Variants in ANPEP observed in about 807,000 individuals in gnomAD.
ANPEP encodes aminopeptidase N.
In ANPEP, 70 loss-of-function variants were observed where a neutral mutation model predicts 114.6. The ratio of observed to expected loss-of-function variants is 0.61; its 90% CI spans 0.50 to 0.75. The LOEUF is 0.75. Among genes scored for constraint, ANPEP ranks in the 30% least tolerant of loss-of-function variants. ANPEP has a pLI of 0.00. For synonymous variants in ANPEP, 548 were observed against 522.3 expected, an observed-to-expected ratio of 1.05 and a Z score of -0.67; for missense variants, 1,184 against 1,259.5, an observed-to-expected ratio of 0.94 and a Z score of 0.91.
rs775937784 is a variant in ANPEP, at chr15:89,801,469, G to A, written c.1708C>T (p.Pro570Ser). Residue 570 changes from proline (P) to serine (S), a missense_variant, in exon 11 of 21, where the codon CCC (proline) becomes TCC (serine). Coordinates refer to ENST00000300060, the MANE Select transcript of ANPEP (RefSeq NM_001150.3). ...GAGGGGCGGGTAACATTGGAATCGG[G>A]GTCAAGGAGGAAGTGCTCCTGGGAA... ...TLSQEHFLLD[P>S]DSNVTRPSEF... 1.2e-6 allele frequency: 2 copies of A among 1,614,068 alleles called. No individual in the cohort carries two copies. Among genetic ancestry groups the A allele is most frequent in the Admixed American group, 1.7e-5 (1 of 60,012 alleles).
chr15:89,800,087 T>A (rs1353862190), intron 12 of ANPEP, among the ~76,000 whole-genome samples: 1 of 152,130 alleles, frequency 6.6e-6, no homozygotes, highest in Non-Finnish European at 1.5e-5. Context: ...ACCTGCCCCA[T>A]CCACTGTCTC....
At chr15:89,811,428 C>T (rs1433581134) in intron 1 of ANPEP, among the ~76,000 whole-genome samples, 2 of 151,994 alleles carry the variant, frequency 1.3e-5, no homozygotes, top group Non-Finnish European at 2.9e-5. Flanking sequence ...GGACGGATCA[C>T]GAGGTCAGCA....
Position 89,792,527 on chromosome 15 carries a change from G to T in ANPEP, c.2285C>A (p.Ser762Tyr), listed in dbSNP as rs1968651350. 3 of 1,614,056 alleles carry T rather than the reference G, an allele frequency of 1.9e-6. No individual in the cohort carries two copies. The highest frequency in any genetic ancestry group is 4.5e-5 in the East Asian group (2 of 44,888). ...CTCCTCACACTCTGGAACTCCGTTG[G>T]AGCAGGCGGTGCTGATGGCATTAAC... ...SEVNAISTACSNGVPECEEMV... is the reference protein window; with the variant it reads ...SEVNAISTACYNGVPECEEMV... Residue 762 changes from serine (S) to tyrosine (Y), a missense_variant, in exon 17 of 21, where the codon TCC becomes TAC. By Grantham distance (144) the Ser-to-Tyr change is moderately radical. Coordinates refer to ENST00000300060, the MANE Select transcript of ANPEP (RefSeq NM_001150.3).
At chr15:89,810,629 G>A (rs1894801140) in intron 1 of ANPEP, among the ~76,000 whole-genome samples, 1 of 152,014 alleles carries the variant, frequency 6.6e-6, no homozygotes, top group Non-Finnish European at 1.5e-5. Flanking sequence ...TCAAAAGCCT[G>A]CTGCTGCACC....
chr15:89,796,716 C>T (rs1045537126), intron 15 of ANPEP, among the ~76,000 whole-genome samples: 19 of 151,746 alleles, frequency 1.3e-4, no homozygotes, highest in African/African-American at 3.6e-4. Context: ...AGGATGGTCT[C>T]GATCTGCTGA....
In ANPEP at chr15:89,806,375, G is replaced by A. The variant is rs1015687921; in HGVS notation, c.209C>T (p.Ala70Val). The A allele has an allele frequency of 6.2e-6, 10 of 1,614,030 alleles. No homozygotes were observed. Among genetic ancestry groups the A allele is most frequent in the African/African-American group, 5.3e-5 (4 of 74,900 alleles). Reference protein sequence around the residue: ...ASATTLDQSKAWNRYRLPNTL... With the variant: ...ASATTLDQSKVWNRYRLPNTL... ...GTTGGGGAGGCGGTAACGATTCCAC[G>A]CTTTACTTTGGTCCAAGGTGGTGGC... Residue 70 changes from alanine (A) to valine (V), a missense_variant, in exon 2 of 21, where the codon GCG (alanine) becomes GTG (valine). Ala to Val is a moderately conservative substitution (Grantham distance 64, BLOSUM62 0). Transcript: ENST00000300060. The surrounding 1 kb of genome is among the most constrained non-coding windows in gnomAD (Gnocchi z 5.7).
chr15:89,785,092 G>C lies in ANPEP; in HGVS notation c.*257C>G. ...CTGGGCTTCCCTGAGATCAGCCCCA[G>C]GGCACTGGGCGACAGGTGCCATGCC... On this transcript the variant is annotated 3_prime_UTR_variant, in exon 21 of 21. Coordinates refer to ENST00000300060, the MANE Select transcript of ANPEP (RefSeq NM_001150.3). 1 of 465,524 alleles carries C rather than the reference G, an allele frequency of 2.1e-6. No individual in the cohort carries two copies. The highest frequency in any genetic ancestry group is 3.4e-5 in the Admixed American group (1 of 29,426). The allele number at this position is 465,524 out of a possible 1,614,324, so 28.8% of individuals were successfully genotyped here. A position where few individuals can be genotyped will look rare whatever the true frequency, so the allele number is the denominator to read the frequency against.
chr15:89,796,496 C>CT (rs1294354069), intron 15 of ANPEP, among the ~76,000 whole-genome samples: 12 of 142,828 alleles, frequency 8.4e-5, no homozygotes, highest in East Asian at 8.1e-4. Flanking sequence ...TTTTTTTTTT[C>CT]TTTTTTTTTG....
chr15:89,789,050 G>A (rs1968565681), intron 20 of ANPEP, among the ~76,000 whole-genome samples: 1 of 151,828 alleles, frequency 6.6e-6, no homozygotes, highest in Non-Finnish European at 1.5e-5. Context: ...CACAATCTTG[G>A]TTCACTGCAA....
chr15:89,794,897 AG>A (rs1968700046), intron 15 of ANPEP, among the ~76,000 whole-genome samples: 1 of 152,152 alleles, frequency 6.6e-6, no homozygotes, highest in African/African-American at 2.4e-5. Flanking sequence ...CTAATTTTTG[AG>A]GGTCCCCAGT....
At position 89,803,031 on chromosome 15, in the gene ANPEP, G is replaced by C. The variant is rs1256544099; in HGVS notation, c.1569+208C>G. Among the ~76,000 whole-genome samples, 1 of 152,108 alleles carries C rather than the reference G, an allele frequency of 6.6e-6. No homozygotes were observed. Among genetic ancestry groups the C allele is most frequent in the African/African-American group, 2.4e-5 (1 of 41,412 alleles). ...TAGCCTGAGGTCAGCTGCTGGCCAGGACCTCAACCACAGCCTCACTCAGAC... is the reference window on the plus strand; with the variant it reads ...TAGCCTGAGGTCAGCTGCTGGCCAGCACCTCAACCACAGCCTCACTCAGAC... On this transcript the variant is annotated intron_variant, in intron 10 of 20. Coordinates refer to ENST00000300060, the MANE Select transcript of ANPEP (RefSeq NM_001150.3). The surrounding 1 kb of genome is among the most constrained non-coding windows in gnomAD (Gnocchi z 4.2).
At position 89,806,973 on chromosome 15, in the gene ANPEP, T is replaced by G; in HGVS notation, c.-223-167A>C. The G allele has an allele frequency of 5.1e-6, 1 of 197,190 alleles. No homozygotes were observed. Among genetic ancestry groups the G allele is most frequent in the Non-Finnish European group, 1.1e-5 (1 of 94,556 alleles). 12.2% of individuals were successfully genotyped at this position (197,190 alleles called of 1,614,324 possible). On this transcript the variant is annotated intron_variant, in intron 1 of 20. Transcript: ENST00000300060. This position sits in a 1 kb window ranked among gnomAD's most constrained non-coding sequence, Gnocchi z 5.7. The stretch of plus-strand genomic sequence containing the variant: ...GAGAGGGTGGGAACAGCATCAGAAC[T>G]GAGGTTAGAGTCAGGGAAGGACTTC...
chr15:89,803,581 T>C lies in ANPEP; in HGVS notation c.1437+66A>G, dbSNP rs1715525686. On this transcript the variant is annotated intron_variant, in intron 8 of 20. Transcript: ENST00000300060. This position sits in a 1 kb window ranked among gnomAD's most constrained non-coding sequence, Gnocchi z 4.2. Reference sequence around the variant, plus strand: ...GACCCTGTGCCCCCAGACCCTGCCTTCAGTGAGGCCCCTCCAGGCCAAGTC... The same window carrying C: ...GACCCTGTGCCCCCAGACCCTGCCTCCAGTGAGGCCCCTCCAGGCCAAGTC... The C allele has an allele frequency of 1.8e-5, 29 of 1,601,368 alleles. No homozygotes were observed. Among genetic ancestry groups the C allele is most frequent in the Non-Finnish European group, 2.5e-5 (29 of 1,174,444 alleles).
chr15:89,807,216 C>T (rs901758485), intron 1 of ANPEP, among the ~76,000 whole-genome samples: 5 of 152,192 alleles, frequency 3.3e-5, no homozygotes, highest in Admixed American at 6.5e-5. Context: ...TATCAGCTCA[C>T]GGAATAAAAT....
In ANPEP at chr15:89,792,504, C is replaced by T; in HGVS notation, c.2308G>A (p.Glu770Lys). ...TGCTTGAAAAGGCCAGAGACCATCTCCTCACACTCTGGAACTCCGTTGGAG... is the reference window on the plus strand; with the variant it reads ...TGCTTGAAAAGGCCAGAGACCATCTTCTCACACTCTGGAACTCCGTTGGAG... ...ACSNGVPECEEMVSGLFKQWM... is the reference protein window; with the variant it reads ...ACSNGVPECEKMVSGLFKQWM... Residue 770 changes from glutamate (E) to lysine (K), a missense_variant, in exon 17 of 21, where the codon GAG (glutamate) becomes AAG (lysine). Coordinates refer to ENST00000300060, the MANE Select transcript of ANPEP (RefSeq NM_001150.3). 1.2e-6 allele frequency: 2 copies of T among 1,614,166 alleles called. No homozygotes were observed. Among genetic ancestry groups the T allele is most frequent in the Non-Finnish European group, 1.7e-6 (2 of 1,180,030 alleles).
At chr15:89,797,249 T>C (rs910988113) in intron 15 of ANPEP, among the ~76,000 whole-genome samples, 2 of 152,192 alleles carry the variant, frequency 1.3e-5, no homozygotes, top group Non-Finnish European at 2.9e-5. Flanking sequence ...TTCTGTGCCT[T>C]CTGAAAGCGT....
chr15:89,804,187 G>A (rs896745641), intron 6 of ANPEP, 66 bp downstream of exon 6: 1 of 1,601,058 alleles, frequency 6.2e-7, no homozygotes, highest in Non-Finnish European at 8.5e-7. Flanking sequence ...GGCAGAGCCT[G>A]GACTTGCGCC....
At chr15:89,797,814 CA>C (rs1968759546) in intron 14 of ANPEP, 92 bp from the exon 15 acceptor site, 2 of 1,538,344 alleles carry the variant, frequency 1.3e-6, no homozygotes, top group Non-Finnish European at 1.8e-6. Context: ...AGATGCTCCA[CA>C]CCCCTAGGCC....
intron 2 of ANPEP, 129 bp downstream of exon 2, chr15:89,805,841 A>G: frequency 1.5e-6 from 2 of 1,298,862 alleles, no homozygotes. Context: ...CTGGAGGTGA[A>G]GCAATGGGCC....
Sources: allele counts gnomAD v4.1 joint callset (sites outside exome capture counted in the v4.1 genomes callset), GRCh38; gene constraint gnomAD v4.1.1; non-coding constraint Gnocchi (gnomAD v3.1); transcripts MANE v1.5; gene names NCBI Gene and HGNC (gene_info 2026-07-23, HGNC 2026-07-21).